The following FARS2 variants were observed in gnomAD, a reference collection of about 807,000 sequenced individuals.
FARS2 encodes the protein phenylalanyl-tRNA synthetase 2, mitochondrial.
Under a neutral mutation model 46.4 loss-of-function variants are expected in FARS2, and 40 were observed. That is an observed-to-expected ratio of 0.86 (90% CI 0.67 to 1.12). The LOEUF (loss-of-function observed/expected upper bound fraction) is 1.12, where lower values mean the gene tolerates loss of function less well. Among genes scored for constraint, FARS2 ranks in the 50% most tolerant of loss-of-function variants. FARS2 has a pLI of 0.00. For missense variants in FARS2, 513 were observed against 567.9 expected (o/e 0.90, Z 0.98); for synonymous variants, 234 against 214.9 (o/e 1.09, Z -0.78).
intron 6 of FARS2, among the ~76,000 whole-genome samples, chr6:5,763,073 C>T (rs1762568323): frequency 2.6e-5 from 4 of 152,114 alleles, no homozygotes; most frequent in Admixed American, 6.5e-5. Flanking sequence ...CTGATGGAGC[C>T]CCATCATCTG....
chr6:5,528,972 C>T (rs974628221), intron 4 of FARS2, among the ~76,000 whole-genome samples: 2 of 152,176 alleles, frequency 1.3e-5, no homozygotes, highest in Non-Finnish European at 2.9e-5. Context: ...CCTCTTGCTC[C>T]TGTACCAAAT....
At chr6:5,406,221 T>C (rs1562017185) in intron 3 of FARS2, among the ~76,000 whole-genome samples, 1 of 152,184 alleles carries the variant, frequency 6.6e-6, no homozygotes, top group Admixed American at 6.5e-5. Context: ...GTCAGTGTTG[T>C]TGAGGTGTAA....
intron 6 of FARS2, among the ~76,000 whole-genome samples, chr6:5,646,527 A>G (rs1249139388): frequency 3.3e-5 from 5 of 152,118 alleles, no homozygotes; most frequent in Non-Finnish European, 7.4e-5. Context: ...GGGGTTTTTA[A>G]AAGAATGCCT....
At chr6:5,446,176 C>T (rs1764176759) in intron 4 of FARS2, among the ~76,000 whole-genome samples, 1 of 150,510 alleles carries the variant, frequency 6.6e-6, no homozygotes, top group Non-Finnish European at 1.5e-5. Flanking sequence ...GCACTCCAGC[C>T]TGGGCGACAG....
At chr6:5,545,490 G>A (rs1227453350) in intron 5 of FARS2, 150 bp downstream of exon 5, 7 of 608,784 alleles carry the variant, frequency 1.1e-5, no homozygotes, top group East Asian at 9.5e-5. Flanking sequence ...TGTGCAGAAC[G>A]TGCAGGTTTG....
intron 5 of FARS2, among the ~76,000 whole-genome samples, chr6:5,548,349 G>C (rs185513432): frequency 2.4e-4 from 37 of 152,300 alleles, no homozygotes; most frequent in Non-Finnish European, 5.3e-4. Context: ...GATTTTGTGT[G>C]TGTGCCCATC....
chr6:5,571,966 C>T lies in FARS2; in HGVS notation c.1065+26626C>T, dbSNP rs1016241154. Among the ~76,000 whole-genome samples, 4 of 152,202 alleles carry T rather than the reference C, an allele frequency of 2.6e-5. 1 individual carries two copies. Among genetic ancestry groups the T allele is most frequent in the African/African-American group, 9.6e-5 (4 of 41,458 alleles). On this transcript the variant is annotated intron_variant, in intron 5 of 6. Transcript: ENST00000274680. ...TACACTGTCCTGTCACCTGCAGCCTCAGCTCCCTCATCCTTTAATTTCTGC... is the reference window on the plus strand; with the variant it reads ...TACACTGTCCTGTCACCTGCAGCCTTAGCTCCCTCATCCTTTAATTTCTGC...
intron 6 of FARS2, among the ~76,000 whole-genome samples, chr6:5,767,351 C>T (rs1197062806): frequency 5.9e-5 from 9 of 152,150 alleles, no homozygotes; most frequent in East Asian, 1.9e-4. Flanking sequence ...CCACCGCGCC[C>T]GGCCAATCCA....
Position 5,699,500 on chromosome 6 carries a change from A to G in FARS2, c.1218-71791A>G, listed in dbSNP as rs1758291858. On this transcript the variant is annotated intron_variant, in intron 6 of 6. Coordinates refer to ENST00000274680, the MANE Select transcript of FARS2 (RefSeq NM_006567.5). ...GAATCAGGGTCTGGATCTTAACAGG[A>G]TCACAGGAGATTTTTTTTTTTTTTT... Among the ~76,000 whole-genome samples, 5 of 151,320 alleles carry G rather than the reference A, an allele frequency of 3.3e-5. No individual in the cohort carries two copies. The South Asian group carries it at 1.0e-3, about 32-fold the overall frequency.
At chr6:5,709,697 T>TGTGTGCGCGC (rs148741094) in intron 6 of FARS2, among the ~76,000 whole-genome samples, 3 of 91,502 alleles carry the variant, frequency 3.3e-5, no homozygotes, top group African/African-American at 1.4e-4. Context: ...TGTGTGTGTG[T>TGTGTGCGCGC]GCGCATGCAC....
At chr6:5,306,610 C>T (rs375366210) in intron 1 of FARS2, among the ~76,000 whole-genome samples, 12 of 152,280 alleles carry the variant, frequency 7.9e-5, no homozygotes, top group South Asian at 4.1e-4. Flanking sequence ...ATTTTATGCA[C>T]GCTGCTGGAG....
intron 4 of FARS2, among the ~76,000 whole-genome samples, chr6:5,446,917 G>A (rs980422169): frequency 5.9e-5 from 9 of 152,136 alleles, no homozygotes; most frequent in African/African-American, 1.9e-4. Flanking sequence ...AGGCGGCACT[G>A]TGTGTTTGGG....
At chr6:5,377,657 C>T (rs571111769) in intron 2 of FARS2, among the ~76,000 whole-genome samples, 1 of 152,206 alleles carries the variant, frequency 6.6e-6, no homozygotes, top group Non-Finnish European at 1.5e-5. Flanking sequence ...CAGTCTTGGT[C>T]CATGACCGAG....
At chr6:5,440,423 A>G (rs1247851170) in intron 4 of FARS2, among the ~76,000 whole-genome samples, 2 of 152,178 alleles carry the variant, frequency 1.3e-5, no homozygotes, top group African/African-American at 2.4e-5. Flanking sequence ...GGCCACCCCC[A>G]TGTTGATGGG....
chr6:5,551,287 G>A (rs1043198665), intron 5 of FARS2, among the ~76,000 whole-genome samples: 2 of 152,028 alleles, frequency 1.3e-5, no homozygotes, highest in Non-Finnish European at 2.9e-5. Context: ...ATTTCCTTGC[G>A]AGCCCTCACC....
At chr6:5,358,180 G>A (rs978672384) in intron 1 of FARS2, among the ~76,000 whole-genome samples, 8 of 152,140 alleles carry the variant, frequency 5.3e-5, no homozygotes, top group African/African-American at 1.9e-4. Context: ...GTGGTTTAGA[G>A]AGTTGATTTA....
rs189951679 is a variant in FARS2 at position 5,727,678 on chromosome 6, A to C, written c.1218-43613A>C. ...ACGCCCCAATTAATGAGTTAAGTCC[A>C]GATAAAGTGGGTCTGAGGAGTTCAC... On this transcript the variant is annotated intron_variant, in intron 6 of 6. Transcript: ENST00000274680. This position sits in a 1 kb window ranked among gnomAD's most constrained non-coding sequence, Gnocchi z 4.1. 3.7e-4 allele frequency among the ~76,000 whole-genome samples: 56 copies of C among 152,324 alleles called. 1 individual carries two copies. The East Asian group carries it at 9.7e-3, about 26-fold the overall frequency.
intron 4 of FARS2, among the ~76,000 whole-genome samples, chr6:5,517,106 G>T (rs1334325809): frequency 6.6e-6 from 1 of 152,182 alleles, no homozygotes; most frequent in African/African-American, 2.4e-5. Flanking sequence ...CACAGTTTGG[G>T]AGATGGGAAG....
chr6:5,534,916 C>G (rs1016992258), intron 4 of FARS2, among the ~76,000 whole-genome samples: 11 of 150,668 alleles, frequency 7.3e-5, no homozygotes, highest in African/African-American at 2.7e-4. Context: ...TGGTCAAATT[C>G]GTGTTTAACT....
Sources: allele counts gnomAD v4.1 joint callset (sites outside exome capture counted in the v4.1 genomes callset), GRCh38; gene constraint gnomAD v4.1.1; non-coding constraint Gnocchi (gnomAD v3.1); transcripts MANE v1.5; gene names NCBI Gene and HGNC (gene_info 2026-07-23, HGNC 2026-07-21).